CACNA1C: variants seen among roughly 807,000 people sequenced by gnomAD.
CACNA1C encodes voltage-dependent L-type calcium channel subunit alpha-1C.
A neutral mutation model predicts 229.0 loss-of-function variants in CACNA1C; 30 were observed. The observed-to-expected ratio is 0.13, with a 90% CI of 0.10 to 0.18. The LOEUF (loss-of-function observed/expected upper bound fraction) is 0.18. Among genes scored for constraint, CACNA1C ranks in the 10% least tolerant of loss-of-function variants. CACNA1C has a pLI of 1.00. For missense variants in CACNA1C, 1,658 were observed against 2,845.0 expected (o/e 0.58, Z 9.49); for synonymous variants, 1,114 against 1,132.5 (o/e 0.98, Z 0.33).
At chr12:2,122,543 C>G (rs909238183) in intron 3 of CACNA1C, among the ~76,000 whole-genome samples, 1 of 151,968 alleles carries the variant, frequency 6.6e-6, no homozygotes, top group Non-Finnish European at 1.5e-5. Flanking sequence ...CCTCCCGGTC[C>G]TTGCTCTCTA....
At chr12:2,270,973 G>T (rs371910814) in intron 3 of CACNA1C, among the ~76,000 whole-genome samples, 10 of 152,126 alleles carry the variant, frequency 6.6e-5, no homozygotes, top group African/African-American at 2.2e-4. Context: ...TTTGCCGAGG[G>T]CTGGTGGCCT....
At chr12:2,550,531 C>G in intron 10 of CACNA1C, 1 of 1,349,890 alleles carries the variant, frequency 7.4e-7, no homozygotes, top group Non-Finnish European at 9.8e-7. Context: ...CTGAAGCTCT[C>G]TCATCCTGCC....
intron 34 of CACNA1C, among the ~76,000 whole-genome samples, chr12:2,657,366 G>GATTC (rs1438432222): frequency 6.6e-6 from 1 of 152,128 alleles, no homozygotes; most frequent in Non-Finnish European, 1.5e-5. Flanking sequence ...ACCATGCTAA[G>GATTC]ATTCTTCTCT....
rs79541225 is a variant in CACNA1C at position 2,018,165 on chromosome 12, C to T, written c.139+46964C>T. 613 of 152,240 alleles carry T rather than the reference C, an allele frequency of 4.0e-3. 3 individuals are homozygous for T. The highest frequency in any genetic ancestry group is 0.014 in the African/African-American group (585 of 41,530). 9.4% of individuals were successfully genotyped at this position (152,240 alleles called of 1,614,324 possible). A position where few individuals can be genotyped will look rare whatever the true frequency, so the allele number is the denominator to read the frequency against. Reference sequence around the variant, plus strand: ...TCACAATGACTTGATTCGAGAATGTCCACGTAAACACTGCTGCGAGGGGAG... The same window carrying T: ...TCACAATGACTTGATTCGAGAATGTTCACGTAAACACTGCTGCGAGGGGAG... On this transcript the variant is annotated intron_variant, in intron 1 of 46. Coordinates refer to the CACNA1C transcript ENST00000682462.
chr12:2,228,696 A>G (rs1042253192), intron 3 of CACNA1C, among the ~76,000 whole-genome samples: 2 of 152,114 alleles, frequency 1.3e-5, no homozygotes, highest in Admixed American at 1.3e-4. Flanking sequence ...CCATCATTTC[A>G]TCTCTGGCAC....
At chr12:2,216,441 C>T (rs144222943) in intron 3 of CACNA1C, among the ~76,000 whole-genome samples, 60 of 152,258 alleles carry the variant, frequency 3.9e-4, no homozygotes, top group East Asian at 1.7e-3. Flanking sequence ...GGCCGTGGAG[C>T]GAATGTTTCA....
Position 2,633,639 on chromosome 12 carries a change from G to A in CACNA1C, c.3829-658G>A. The A allele has an allele frequency of 6.2e-7, 1 of 1,601,450 alleles. No individual in the cohort carries two copies. The highest frequency in any genetic ancestry group is 8.6e-7 in the Non-Finnish European group (1 of 1,168,710). ...CCCTCCCTTATGTAGGGTTACTTTA[G>A]TGATCCCTGGAATGTTTTTGACTTC... On this transcript the variant is annotated intron_variant, in intron 29 of 46. Transcript: ENST00000399655. This position sits in a 1 kb window ranked among gnomAD's most constrained non-coding sequence, Gnocchi z 5.8.
At chr12:2,573,308 C>T (rs1050319110) in intron 13 of CACNA1C, among the ~76,000 whole-genome samples, 1 of 152,194 alleles carries the variant, frequency 6.6e-6, no homozygotes, top group Non-Finnish European at 1.5e-5. Context: ...TGGCTGACCA[C>T]CTTGCCCAGC....
chr12:2,629,532 C>G (rs988475494), intron 29 of CACNA1C, among the ~76,000 whole-genome samples: 3 of 152,188 alleles, frequency 2.0e-5, no homozygotes, highest in Admixed American at 2.0e-4. Context: ...TCCTTTCACC[C>G]TCACCTCAAC....
Position 2,651,921 on chromosome 12 carries a change from G to C in CACNA1C, c.4074+153G>C, listed in dbSNP as rs45616033. On this transcript the variant is annotated intron_variant, in intron 32 of 46. Transcript: ENST00000399655. This position sits in a 1 kb window ranked among gnomAD's most constrained non-coding sequence, Gnocchi z 5.4. ...CCGCTCTGCCTGGCTCCCTGTTTCC[G>C]CACCGAGAGGCCTAGACGAAGCATG... Among the ~76,000 whole-genome samples the C allele has an allele frequency of 6.6e-6, 1 of 151,846 alleles. No individual in the cohort carries two copies. Among genetic ancestry groups the C allele is most frequent in the Non-Finnish European group, 1.5e-5 (1 of 67,968 alleles).
chr12:2,341,276 C>T lies in CACNA1C; in HGVS notation c.478-107700C>T, dbSNP rs541587984. Among the ~76,000 whole-genome samples the T allele has an allele frequency of 2.0e-5, 3 of 152,304 alleles. No homozygotes were observed. In the South Asian group the frequency reaches 6.2e-4, roughly 32 times the overall value. ...ATTGTGTCTCTGACCCCTGGGATAG[C>T]GTGAGGATTAGAGCACATGGTGCGA... On this transcript the variant is annotated intron_variant, in intron 3 of 46. Coordinates refer to ENST00000399655, the MANE Select transcript of CACNA1C (RefSeq NM_000719.7).
At chr12:2,362,049 G>A (rs932778692) in intron 3 of CACNA1C, among the ~76,000 whole-genome samples, 1 of 152,182 alleles carries the variant, frequency 6.6e-6, no homozygotes, top group African/African-American at 2.4e-5. Context: ...ATTAGACATC[G>A]TATGTATTAG....
intron 9 of CACNA1C, among the ~76,000 whole-genome samples, chr12:2,548,745 G>A (rs933851185): frequency 1.3e-5 from 2 of 152,174 alleles, no homozygotes; most frequent in African/African-American, 2.4e-5. Context: ...AAGGAAACCA[G>A]GAAAAATCCA....
chr12:2,341,845 T>G (rs541524718), intron 3 of CACNA1C, among the ~76,000 whole-genome samples: 1 of 152,328 alleles, frequency 6.6e-6, no homozygotes, highest in East Asian at 1.9e-4. Flanking sequence ...CTGGCTGTGA[T>G]GATCTGTTTA....
intron 3 of CACNA1C, among the ~76,000 whole-genome samples, chr12:2,322,319 C>T (rs12821143): frequency 8.5e-4 from 129 of 152,258 alleles, no homozygotes; most frequent in Middle Eastern, 3.4e-3. Context: ...CTTTTCCTAA[C>T]TTCAGAAGCC....
chr12:2,412,800 A>ATG (rs2098823083), intron 3 of CACNA1C, among the ~76,000 whole-genome samples: 1 of 152,204 alleles, frequency 6.6e-6, no homozygotes, highest in Non-Finnish European at 1.5e-5. Flanking sequence ...ACGTGTCTGA[A>ATG]TGTAGGTTTG....
intron 3 of CACNA1C, among the ~76,000 whole-genome samples, chr12:2,261,189 G>A (rs1419487203): frequency 6.6e-6 from 1 of 151,516 alleles, no homozygotes; most frequent in East Asian, 1.9e-4. Flanking sequence ...CCGAGATAGT[G>A]CCACTGCACT....
chr12:2,171,588 G>A (rs187482275), intron 3 of CACNA1C, among the ~76,000 whole-genome samples: 7 of 152,040 alleles, frequency 4.6e-5, no homozygotes, highest in African/African-American at 7.3e-5. Context: ...TCCCTTCTTC[G>A]TTTTCTCCCT....
intron 22 of CACNA1C, among the ~76,000 whole-genome samples, chr12:2,604,625 A>C (rs1404466549): frequency 2.0e-5 from 3 of 152,174 alleles, no homozygotes; most frequent in African/African-American, 7.2e-5. Context: ...ATTCTTATTT[A>C]ACCCTTGCAA....
Sources: gnomAD v4.1 joint callset for allele counts (sites outside exome capture counted in the v4.1 genomes callset) on GRCh38, gnomAD v4.1.1 for gene constraint, Gnocchi (gnomAD v3.1) non-coding constraint, MANE v1.5 for transcripts, NCBI Gene and HGNC (gene_info 2026-07-23, HGNC 2026-07-21) for gene names.